ZDHHC14: variants seen among roughly 807,000 people sequenced by gnomAD.
The protein encoded by ZDHHC14 is zDHHC palmitoyltransferase 14, also known as palmitoyltransferase ZDHHC14.
ZDHHC14 carries 16 observed loss-of-function variants against 47.7 expected under a neutral mutation model. The observed-to-expected ratio is 0.34, with a 90% CI of 0.23 to 0.51. The LOEUF is 0.51. Among genes scored for constraint, ZDHHC14 ranks in the 20% least tolerant of loss-of-function variants. The pLI is 0.97. For missense variants in ZDHHC14, 515 were observed against 662.5 expected, an observed-to-expected ratio of 0.78 and a Z score of 2.44; for synonymous variants, 293 against 278.9, an observed-to-expected ratio of 1.05 and a Z score of -0.50.
At chr6:157,517,405 G>A (rs149426952) in intron 1 of ZDHHC14, among the ~76,000 whole-genome samples, 1 of 151,734 alleles carries the variant, frequency 6.6e-6, no homozygotes, top group Non-Finnish European at 1.5e-5. Context: ...CCGCCTCCCG[G>A]GTTCAAGCGA....
At chr6:157,669,346 C>T (rs116181931) in intron 8 of ZDHHC14, among the ~76,000 whole-genome samples, 2,908 of 151,824 alleles carry the variant, frequency 0.019, 87 homozygotes, top group African/African-American at 0.067. Context: ...GGGGGGAAGA[C>T]AGAGAGTGGA....
At position 157,645,858 on chromosome 6, in the gene ZDHHC14, G is replaced by A. The variant is rs1211063399; in HGVS notation, c.855+19G>A. On this transcript the variant is annotated intron_variant, in intron 6 of 8. Coordinates refer to ENST00000359775, the MANE Select transcript of ZDHHC14 (RefSeq NM_024630.3). ...TGAGGACGTAAGTTCCTGACCACAC[G>A]GGACACGGGCGTGTTCTTGGGTTTT... 3.1e-6 allele frequency: 5 copies of A among 1,607,328 alleles called. No homozygotes were observed. Among genetic ancestry groups the A allele is most frequent in the Admixed American group, 1.7e-5 (1 of 59,884 alleles).
At chr6:157,625,189 G>A (rs989046167) in intron 3 of ZDHHC14, among the ~76,000 whole-genome samples, 3 of 152,146 alleles carry the variant, frequency 2.0e-5, no homozygotes, top group African/African-American at 7.2e-5. Context: ...TCAGACCATA[G>A]CAGATGATTT....
At chr6:157,397,913 G>A (rs911267094) in intron 1 of ZDHHC14, among the ~76,000 whole-genome samples, 2 of 152,172 alleles carry the variant, frequency 1.3e-5, no homozygotes, top group African/African-American at 4.8e-5. Context: ...CCGCCACCCA[G>A]CACAAAGACA....
At position 157,672,925 on chromosome 6, in the gene ZDHHC14, G is replaced by T; in HGVS notation, c.1270G>T (p.Ala424Ser). The T allele has an allele frequency of 6.2e-7, 1 of 1,602,718 alleles. No homozygotes were observed. Residue 424 changes from alanine (A) to serine (S), a missense_variant, in exon 9 of 9, where the codon GCG becomes TCG. Ala to Ser is a moderately conservative substitution (Grantham distance 99, BLOSUM62 1). This residue lies in a region of ZDHHC14 where 221 missense variants were observed against 233.6 expected (regional missense o/e 0.95). Transcript: ENST00000359775. Reference protein sequence around the residue: ...SMPNLAEATLADVMPRKDEHM... With the variant: ...SMPNLAEATLSDVMPRKDEHM... The stretch of plus-strand genomic sequence containing the variant: ...GCCCAACCTCGCCGAGGCCACGCTC[G>T]CGGACGTGATGCCCCGGAAAGATGA...
intron 2 of ZDHHC14, 154 bp from the exon 3 acceptor site, chr6:157,592,834 G>A: frequency 4.1e-6 from 6 of 1,453,900 alleles, no homozygotes; most frequent in South Asian, 3.0e-5. Context: ...CGGAGGGTGA[G>A]TCCCAGAGCC....
intron 2 of ZDHHC14, among the ~76,000 whole-genome samples, chr6:157,552,137 C>A (rs1391268831): frequency 6.6e-6 from 1 of 152,152 alleles, no homozygotes; most frequent in Non-Finnish European, 1.5e-5. Context: ...ATTCAACAAG[C>A]AAACTGTAGG....
At chr6:157,467,178 T>A (rs1191996336) in intron 1 of ZDHHC14, among the ~76,000 whole-genome samples, 2 of 152,236 alleles carry the variant, frequency 1.3e-5, no homozygotes, top group African/African-American at 4.8e-5. Context: ...GTAACTCACA[T>A]GCCGTGAGAT....
intron 2 of ZDHHC14, among the ~76,000 whole-genome samples, chr6:157,559,098 T>C (rs926125376): frequency 6.6e-6 from 1 of 152,176 alleles, no homozygotes; most frequent in African/African-American, 2.4e-5. Flanking sequence ...TGATGATAAA[T>C]GGTTGTTGGT....
intron 5 of ZDHHC14, among the ~76,000 whole-genome samples, chr6:157,634,951 A>G (rs965233000): frequency 6.6e-6 from 1 of 151,302 alleles, no homozygotes. Flanking sequence ...CAGGTGGAGC[A>G]TAGAGGGGCT....
chr6:157,608,417 G>A (rs191663598), intron 3 of ZDHHC14, among the ~76,000 whole-genome samples: 2 of 152,064 alleles, frequency 1.3e-5, no homozygotes, highest in Non-Finnish European at 1.5e-5. Flanking sequence ...GTGACACAAC[G>A]GCAAAGTCCA....
At chr6:157,533,013 G>C (rs890656642) in intron 1 of ZDHHC14, among the ~76,000 whole-genome samples, 3 of 151,922 alleles carry the variant, frequency 2.0e-5, no homozygotes, top group African/African-American at 7.3e-5. Flanking sequence ...CCACCAAAAC[G>C]CACATATGCA....
chr6:157,499,836 A>G (rs1197027726), intron 1 of ZDHHC14, among the ~76,000 whole-genome samples: 2 of 152,226 alleles, frequency 1.3e-5, no homozygotes, highest in African/African-American at 4.8e-5. Context: ...AGCTCACAGG[A>G]GACAAATCGA....
chr6:157,424,476 G>C (rs1778176087), intron 1 of ZDHHC14, among the ~76,000 whole-genome samples: 1 of 152,210 alleles, frequency 6.6e-6, no homozygotes, highest in South Asian at 2.1e-4. Context: ...GATAGGGAGA[G>C]AACAAGTGTC....
At chr6:157,622,013 C>G (rs1351167862) in intron 3 of ZDHHC14, among the ~76,000 whole-genome samples, 1 of 152,084 alleles carries the variant, frequency 6.6e-6, no homozygotes, top group South Asian at 2.1e-4. Context: ...GGGCTGCTGT[C>G]AAGTTAAATG....
At chr6:157,583,155 T>A (rs1783574162) in intron 2 of ZDHHC14, among the ~76,000 whole-genome samples, 2 of 152,116 alleles carry the variant, frequency 1.3e-5, no homozygotes, top group Non-Finnish European at 2.9e-5. Context: ...TTGGATTGGG[T>A]TTCAACTTTC....
intron 1 of ZDHHC14, among the ~76,000 whole-genome samples, chr6:157,425,440 A>G (rs1778195807): frequency 3.3e-5 from 5 of 152,134 alleles, no homozygotes; most frequent in South Asian, 4.2e-4. Flanking sequence ...CTCATTTTTA[A>G]ATCTCTAATT....
intron 2 of ZDHHC14, among the ~76,000 whole-genome samples, chr6:157,547,832 AT>A (rs1057455118): frequency 5.4e-5 from 8 of 148,846 alleles, no homozygotes; most frequent in African/African-American, 1.8e-4. Context: ...ACTAAGAAAA[AT>A]TTTTTTTGTG....
intron 2 of ZDHHC14, among the ~76,000 whole-genome samples, chr6:157,579,433 G>A (rs779530337): frequency 2.6e-5 from 4 of 151,924 alleles, no homozygotes; most frequent in Admixed American, 6.6e-5. Flanking sequence ...TGCTGACCTC[G>A]TGATCCGCCC....
Sources: allele counts gnomAD v4.1 joint callset (sites outside exome capture counted in the v4.1 genomes callset), GRCh38; gene constraint gnomAD v4.1.1; regional missense constraint gnomAD v4.1.1; transcripts MANE v1.5; gene names NCBI Gene and HGNC (gene_info 2026-07-23, HGNC 2026-07-21).